MYO3B: variants seen among roughly 807,000 people sequenced by gnomAD.
MYO3B encodes the protein myosin-IIIb.
In MYO3B, 156 loss-of-function variants were observed where a neutral mutation model predicts 174.6. That is an observed-to-expected ratio of 0.89 (90% CI 0.78 to 1.02). The LOEUF is 1.02. Among genes scored for constraint, MYO3B ranks in the 50% least tolerant of loss-of-function variants. The pLI is 0.00. For synonymous variants in MYO3B, 563 were observed against 569.1 expected (o/e 0.99, Z 0.15); for missense variants, 1,632 against 1,639.4 (o/e 1.00, Z 0.08).
intron 18 of MYO3B, among the ~76,000 whole-genome samples, 155 bp downstream of exon 18, chr2:170,401,846 A>G (rs1372241335): frequency 7.5e-6 from 1 of 134,042 alleles, no homozygotes; most frequent in Non-Finnish European, 1.5e-5. Flanking sequence ...GCTGTTGCCC[A>G]GGCCGGAGTG....
Position 170,652,988 on chromosome 2 carries a change from T to G in MYO3B, c.3893T>G (p.Ile1298Ser), listed in dbSNP as rs750529819. ...SKRKPRKLGQ[I>S]KVLDGEDEYY... is the part of the protein sequence containing the mutation. ...TGTTGTTTTCTTTGTTGCAGCCAAATCAAAGTACTTGATGGGGAAGATGAA... is the reference window on the plus strand; with the variant it reads ...TGTTGTTTTCTTTGTTGCAGCCAAAGCAAAGTACTTGATGGGGAAGATGAA... The change falls in exon 35 of 35, where the codon ATC (isoleucine) becomes AGC (serine). Residue 1298 changes from isoleucine to serine, a missense_variant. By Grantham distance (142) the Ile-to-Ser change is moderately radical. Transcript: ENST00000408978. The G allele has an allele frequency of 7.4e-6, 12 of 1,613,780 alleles. No homozygotes were observed. The East Asian group carries it at 2.4e-4, about 33-fold the overall frequency.
chr2:170,344,801 T>A lies in MYO3B; in HGVS notation c.815+9351T>A, dbSNP rs565036362. On this transcript the variant is annotated intron_variant, in intron 8 of 34. Coordinates refer to ENST00000408978, the MANE Select transcript of MYO3B (RefSeq NM_138995.5). The stretch of plus-strand genomic sequence containing the variant: ...CAGTGATGAATACTATAACTCACAA[T>A]AATGATGCCATCCAAAGAAATGTAA... The A allele has an allele frequency of 2.0e-5, 3 of 152,316 alleles. No homozygotes were observed. In the East Asian group the frequency reaches 5.8e-4, roughly 29 times the overall value. The allele number at this position is 152,316 out of a possible 1,614,324, so 9.4% of individuals were successfully genotyped here. A position where few individuals can be genotyped will look rare whatever the true frequency, so the allele number is the denominator to read the frequency against.
intron 7 of MYO3B, 130 bp downstream of exon 7, chr2:170,236,266 T>TA: frequency 8.3e-7 from 1 of 1,207,676 alleles, no homozygotes; most frequent in Non-Finnish European, 1.1e-6. Flanking sequence ...ATATTTTCTT[T>TA]GAAAAAGCAA....
chr2:170,651,650 G>A lies in MYO3B; in HGVS notation c.3756G>A (p.Gln1252=). The A allele has an allele frequency of 6.2e-7, 1 of 1,614,152 alleles. No individual in the cohort carries two copies. Among genetic ancestry groups the A allele is most frequent in the South Asian group, 1.1e-5 (1 of 91,080 alleles). Residue 1252 remains glutamine, a synonymous_variant, in exon 33 of 35, where the codon CAG becomes CAA. Transcript: ENST00000408978. ...QKPGSENGLA[Q]KHRTPRRRCQ... ...CAGGTTCAGAAAATGGTCTTGCACA[G>A]AAGCATCGAACACCTCGCCGACGAT...
intron 7 of MYO3B, among the ~76,000 whole-genome samples, chr2:170,321,161 C>T (rs2093822906): frequency 6.6e-6 from 1 of 152,104 alleles, no homozygotes; most frequent in South Asian, 2.1e-4. Flanking sequence ...ATAGTTAAAG[C>T]AGGGATTAGA....
chr2:170,318,410 T>C (rs1037837731), intron 7 of MYO3B, among the ~76,000 whole-genome samples: 1 of 152,190 alleles, frequency 6.6e-6, no homozygotes, highest in African/African-American at 2.4e-5. Flanking sequence ...CCTTAATACC[T>C]TGTAGTCAAT....
intron 32 of MYO3B, among the ~76,000 whole-genome samples, chr2:170,610,714 G>A (rs1380763014): frequency 6.6e-6 from 1 of 152,150 alleles, no homozygotes; most frequent in African/African-American, 2.4e-5. Flanking sequence ...ACAGAGTACA[G>A]TACTTTTTAT....
chr2:170,612,867 T>C (rs1056748418), intron 32 of MYO3B, among the ~76,000 whole-genome samples: 3 of 152,188 alleles, frequency 2.0e-5, no homozygotes, highest in African/African-American at 7.2e-5. Flanking sequence ...GGAAGATGTC[T>C]CCTTTTTCAC....
chr2:170,618,124 C>A (rs905700696), intron 32 of MYO3B, among the ~76,000 whole-genome samples: 2 of 151,976 alleles, frequency 1.3e-5, no homozygotes, highest in Non-Finnish European at 2.9e-5. Context: ...AAGGTGGATA[C>A]CTAAAACCTA....
At chr2:170,620,817 T>C (rs912188389) in intron 32 of MYO3B, among the ~76,000 whole-genome samples, 1 of 152,082 alleles carries the variant, frequency 6.6e-6, no homozygotes, top group African/African-American at 2.4e-5. Flanking sequence ...ATTATCCTAG[T>C]CAGGAAGCGA....
intron 7 of MYO3B, among the ~76,000 whole-genome samples, chr2:170,268,892 T>C: frequency 6.6e-6 from 1 of 152,048 alleles, no homozygotes; most frequent in Non-Finnish European, 1.5e-5. Context: ...ATTCAAAACA[T>C]GAAAAAGAAC....
At position 170,602,024 on chromosome 2, in the gene MYO3B, C is replaced by G. The variant is rs192023098; in HGVS notation, c.3734-49604C>G. On this transcript the variant is annotated intron_variant, in intron 32 of 34. Coordinates refer to ENST00000408978, the MANE Select transcript of MYO3B (RefSeq NM_138995.5). ...GTTTTCATTTCTCTTTCATAACGGTCTTTGTCCACCTTTGCCATATCTTCA... is the reference window on the plus strand; with the variant it reads ...GTTTTCATTTCTCTTTCATAACGGTGTTTGTCCACCTTTGCCATATCTTCA... 4 of 903,830 alleles carry G rather than the reference C, an allele frequency of 4.4e-6. No individual in the cohort carries two copies. The East Asian group carries it at 9.6e-5, about 22-fold the overall frequency. 56.0% of individuals were successfully genotyped at this position (903,830 alleles called of 1,614,324 possible).
intron 22 of MYO3B, among the ~76,000 whole-genome samples, chr2:170,416,219 C>A (rs991011618): frequency 1.3e-5 from 2 of 152,126 alleles, no homozygotes; most frequent in East Asian, 1.9e-4. Flanking sequence ...AGCCCAACAG[C>A]CATCTTAAAA....
intron 7 of MYO3B, among the ~76,000 whole-genome samples, chr2:170,251,299 A>G (rs2093250533): frequency 6.6e-6 from 1 of 152,184 alleles, no homozygotes; most frequent in East Asian, 1.9e-4. Flanking sequence ...GCTCAAGGAC[A>G]CACAGTTAAT....
intron 32 of MYO3B, among the ~76,000 whole-genome samples, chr2:170,612,412 C>G (rs978682763): frequency 2.0e-5 from 3 of 152,220 alleles, no homozygotes; most frequent in African/African-American, 7.2e-5. Context: ...TAAATAACCT[C>G]TATCACTTTC....
At chr2:170,511,010 C>A (rs1343630016) in intron 28 of MYO3B, among the ~76,000 whole-genome samples, 1 of 150,212 alleles carries the variant, frequency 6.7e-6, no homozygotes, top group Non-Finnish European at 1.5e-5. Flanking sequence ...GTTTCCAGTT[C>A]TTGGTGATTA....
intron 7 of MYO3B, among the ~76,000 whole-genome samples, chr2:170,249,530 T>C (rs2093229009): frequency 6.6e-6 from 1 of 152,216 alleles, no homozygotes; most frequent in East Asian, 1.9e-4. Context: ...AACCAATCCC[T>C]TGGAGTGCAG....
In MYO3B at chr2:170,391,523, A is replaced by G; in HGVS notation, c.1581A>G (p.Arg527=). The G allele has an allele frequency of 1.4e-6, 2 of 1,438,358 alleles. No individual in the cohort carries two copies. The highest frequency in any genetic ancestry group is 9.4e-7 in the Non-Finnish European group (1 of 1,066,184). 89.1% of individuals were successfully genotyped at this position (1,438,358 alleles called of 1,614,324 possible). The change falls in exon 15 of 35, where the codon AGA becomes AGG. Residue 527 remains arginine (R), a synonymous_variant. Transcript: ENST00000408978. ...EKSRVIKQAA[R]EKNFHIFYYI... Reference sequence around the variant, plus strand: ...CTAAAGTCTCTTTTTTTTTCAGGAGAGAGAAAAATTTTCATATATTTTACT... The same window carrying G: ...CTAAAGTCTCTTTTTTTTTCAGGAGGGAGAAAAATTTTCATATATTTTACT...
chr2:170,230,502 A>G (rs1391394666), intron 6 of MYO3B, among the ~76,000 whole-genome samples: 2 of 151,796 alleles, frequency 1.3e-5, no homozygotes, highest in Non-Finnish European at 2.9e-5. Flanking sequence ...TATATAATCA[A>G]GATACAACCT....
Sources: allele counts gnomAD v4.1 joint callset (sites outside exome capture counted in the v4.1 genomes callset), GRCh38; gene constraint gnomAD v4.1.1; transcripts MANE v1.5; gene names NCBI Gene and HGNC (gene_info 2026-07-23, HGNC 2026-07-21).